The following PPM1K variants were observed in gnomAD, a reference collection of about 807,000 sequenced individuals.
PPM1K encodes protein phosphatase Mn(2+)-dependent 1K.
A neutral mutation model predicts 32.6 loss-of-function variants in PPM1K; 19 were observed. That is an observed-to-expected ratio of 0.58 (90% CI 0.41 to 0.86). PPM1K has a LOEUF of 0.86. PPM1K is among the 40% of genes least tolerant of loss of function. The pLI, the probability that PPM1K is intolerant of heterozygous loss-of-function variation, is 0.00. For missense variants in PPM1K, 362 were observed against 461.2 expected (o/e 0.78, Z 1.97); for synonymous variants, 159 against 165.3 (o/e 0.96, Z 0.29).
intron 5 of PPM1K, among the ~76,000 whole-genome samples, chr4:88,267,104 T>TGAC (rs1731355526): frequency 7.6e-6 from 1 of 131,580 alleles, no homozygotes. Context: ...GTGATGCTGA[T>TGAC]TGGGTGCAGG....
chr4:88,278,308 C>T lies in PPM1K; in HGVS notation c.276G>A (p.Leu92=), dbSNP rs547256308. 1.2e-6 allele frequency: 2 copies of T among 1,614,204 alleles called. No individual in the cohort carries two copies. The highest frequency in any genetic ancestry group is 4.5e-5 in the East Asian group (2 of 44,890). Residue 92 remains leucine (L), a synonymous_variant, in exon 2 of 7, where the codon TTG becomes TTA. Transcript: ENST00000608933. This position sits in a 1 kb window ranked among gnomAD's most constrained non-coding sequence, Gnocchi z 4.2. ...KYGKPIPKIS[L]ENVGCASQIG... ...TCTGTGAGGCGCACCCCACATTTTC[C>T]AAGCTGATTTTGGGAATTGGCTTGC...
intron 1 of PPM1K, among the ~76,000 whole-genome samples, chr4:88,282,922 C>T (rs1027639172): frequency 2.0e-5 from 3 of 152,168 alleles, no homozygotes; most frequent in Non-Finnish European, 4.4e-5. Context: ...CTTCTTTCCT[C>T]GTCTCTAAGG....
chr4:88,272,680 GCTA>G (rs1731612351), intron 3 of PPM1K, among the ~76,000 whole-genome samples: 1 of 152,126 alleles, frequency 6.6e-6, no homozygotes, highest in East Asian at 1.9e-4. Flanking sequence ...GATGAAATTT[GCTA>G]CTGATAACTA....
In PPM1K at chr4:88,284,317, C is replaced by A. The variant is rs193251900; in HGVS notation, c.-60+89G>T. The A allele has an allele frequency of 4.5e-3, 687 of 152,414 alleles. 12 individuals carry two copies. Among genetic ancestry groups the A allele is most frequent in the Non-Finnish European group, 3.3e-3 (227 of 68,076 alleles). The allele number at this position is 152,414 out of a possible 1,614,324, so 9.4% of individuals were successfully genotyped here. A position where few individuals can be genotyped will look rare whatever the true frequency, so the allele number is the denominator to read the frequency against. ...CCCTTCGACCTCCCGGGAAACCCTT[C>A]TCCGTTTACTCTCCATTCCGCGACC... On this transcript the variant is annotated intron_variant, in intron 1 of 6. Coordinates refer to ENST00000608933, the MANE Select transcript of PPM1K (RefSeq NM_152542.5).
chr4:88,277,121 G>C lies in PPM1K; in HGVS notation c.541+22C>G, dbSNP rs767560821. On this transcript the variant is annotated intron_variant, in intron 3 of 6. Transcript: ENST00000608933. ...ACCCCATGTACTCCCTAGGATCCAA[G>C]GAATGTGATAGTTTTACATACCATC... is the stretch of plus-strand genomic sequence containing the variant. The C allele has an allele frequency of 9.5e-6, 15 of 1,573,384 alleles. No individual in the cohort carries two copies. The Admixed American group carries it at 2.2e-4, about 23-fold the overall frequency.
In PPM1K at chr4:88,278,140, A is replaced by C; in HGVS notation, c.440+4T>G. On this transcript the variant is annotated splice_donor_region_variant and intron_variant, in intron 2 of 6. Transcript: ENST00000608933. The surrounding 1 kb of genome is among the most constrained non-coding windows in gnomAD (Gnocchi z 4.2). ...AAGTCAGGAGTGAAAGTCATTGTAC[A>C]TACATAATACATTTCTCCATGTGGG... is the stretch of plus-strand genomic sequence containing the variant. 2 of 1,609,492 alleles carry C rather than the reference A, an allele frequency of 1.2e-6. No individual in the cohort carries two copies. The highest frequency in any genetic ancestry group is 1.7e-6 in the Non-Finnish European group (2 of 1,176,400).
At chr4:88,276,824 T>C in intron 3 of PPM1K, 1 of 1,023,344 alleles carries the variant, frequency 9.8e-7, no homozygotes, top group African/African-American at 1.7e-5. Flanking sequence ...AGTATGGACA[T>C]TTTGTCCATA....
chr4:88,264,134 C>G (rs567939411), intron 6 of PPM1K, among the ~76,000 whole-genome samples: 7 of 152,066 alleles, frequency 4.6e-5, no homozygotes, highest in Non-Finnish European at 1.0e-4. Context: ...TCATGAATAC[C>G]CTGTTTAGCA....
Position 88,262,659 on chromosome 4 carries a change from T to G in PPM1K, c.1055A>C (p.Tyr352Ser), listed in dbSNP as rs149003637. Residue 352 changes from tyrosine to serine, a missense_variant, in exon 7 of 7, where the codon TAT becomes TCT. Coordinates refer to ENST00000608933, the MANE Select transcript of PPM1K (RefSeq NM_152542.5). ...VVVPFGAWGK[Y>S]KNSEINFSFS... ...TGAGAAGTTGATTTCAGAGTTCTTA[T>G]ATTTTCCCCAGGCACCAAAAGGCAC... 1 of 1,614,204 alleles carries G rather than the reference T, an allele frequency of 6.2e-7. No homozygotes were observed. The highest frequency in any genetic ancestry group is 1.7e-5 in the Admixed American group (1 of 60,028).
Position 88,260,679 on chromosome 4 carries a change from T to C in PPM1K, c.*1916A>G, listed in dbSNP as rs1351566353. On this transcript the variant is annotated 3_prime_UTR_variant, in exon 7 of 7. Transcript: ENST00000608933. ...CAGAAAAACTCAAGATTTATCTTCT[T>C]CCATTTCCAAAAAGGTAAGAAGATG... 1 of 152,140 alleles carries C rather than the reference T, an allele frequency of 6.6e-6. No individual in the cohort carries two copies. The highest frequency in any genetic ancestry group is 1.5e-5 in the Non-Finnish European group (1 of 68,032). 9.4% of individuals were successfully genotyped at this position (152,140 alleles called of 1,614,324 possible).
At chr4:88,272,723 A>G (rs1731613851) in intron 3 of PPM1K, among the ~76,000 whole-genome samples, 1 of 152,254 alleles carries the variant, frequency 6.6e-6, no homozygotes, top group African/African-American at 2.4e-5. Context: ...TTAACAAAAA[A>G]GCAATAAAAA....
chr4:88,265,184 G>C (rs757547854), intron 5 of PPM1K, 49 bp from the exon 6 acceptor site: 12 of 1,603,990 alleles, frequency 7.5e-6, no homozygotes, highest in Non-Finnish European at 1.0e-5. Context: ...CTCTGCCTTA[G>C]CACAATCTCG....
In PPM1K at chr4:88,268,194, A is replaced by G. The variant is rs1300548798; in HGVS notation, c.848T>C (p.Ile283Thr). The change falls in exon 5 of 7, where the codon ATT becomes ACT. Residue 283 changes from isoleucine (I) to threonine (T), a missense_variant. Coordinates refer to ENST00000608933, the MANE Select transcript of PPM1K (RefSeq NM_152542.5). Reference sequence around the variant, plus strand: ...TGTTTGCAGGTCCTTTCTTACCTTAATCCTCTTAGTTTCAGGTTCTGCTAT... The same window carrying G: ...TGTTTGCAGGTCCTTTCTTACCTTAGTCCTCTTAGTTTCAGGTTCTGCTAT... Reference protein sequence around the residue: ...GVIAEPETKRIKLHHADDSFL... With the variant: ...GVIAEPETKRTKLHHADDSFL... 6.2e-7 allele frequency: 1 copy of G among 1,614,064 alleles called. No individual in the cohort carries two copies. Among genetic ancestry groups the G allele is most frequent in the Non-Finnish European group, 8.5e-7 (1 of 1,179,982 alleles).
chr4:88,268,125 G>A (rs1472949431), intron 5 of PPM1K, 65 bp downstream of exon 5: 117 of 1,531,948 alleles, frequency 7.6e-5, no homozygotes, highest in Non-Finnish European at 1.0e-4. Context: ...CAAGAAAGGT[G>A]CAGCAGAGAC....
At chr4:88,282,705 G>A (rs557430369) in intron 1 of PPM1K, among the ~76,000 whole-genome samples, 1 of 152,324 alleles carries the variant, frequency 6.6e-6, no homozygotes, top group East Asian at 1.9e-4. Context: ...GGTTTAATGT[G>A]AATATGTCTA....
In PPM1K at chr4:88,262,650, G is replaced by A. The variant is rs200856810; in HGVS notation, c.1064C>T (p.Ser355Phe). 76 of 1,614,078 alleles carry A rather than the reference G, an allele frequency of 4.7e-5. No individual in the cohort carries two copies. The highest frequency in any genetic ancestry group is 6.2e-5 in the Non-Finnish European group (73 of 1,179,998). The change falls in exon 7 of 7, where the codon TCT becomes TTT. Residue 355 changes from serine (S) to phenylalanine (F), a missense_variant. Ser to Phe is a radical substitution (Grantham distance 155). Transcript: ENST00000608933. ...TCTGCTGAATGAGAAGTTGATTTCAGAGTTCTTATATTTTCCCCAGGCACC... is the reference window on the plus strand; with the variant it reads ...TCTGCTGAATGAGAAGTTGATTTCAAAGTTCTTATATTTTCCCCAGGCACC... ...PFGAWGKYKNSEINFSFSRSF... is the reference protein window; with the variant it reads ...PFGAWGKYKNFEINFSFSRSF...
At chr4:88,268,117 A>C (rs1731406464) in intron 5 of PPM1K, 73 bp downstream of exon 5, 29 of 1,501,516 alleles carry the variant, frequency 1.9e-5, no homozygotes, top group Non-Finnish European at 2.6e-5. Context: ...AAGGCTTCCA[A>C]GAAAGGTGCA....
Position 88,278,065 on chromosome 4 carries a change from G to T in PPM1K, c.440+79C>A. 1 of 1,217,196 alleles carries T rather than the reference G, an allele frequency of 8.2e-7. No individual in the cohort carries two copies. The allele number at this position is 1,217,196 out of a possible 1,614,324, so 75.4% of individuals were successfully genotyped here. On this transcript the variant is annotated intron_variant, in intron 2 of 6. Transcript: ENST00000608933. This position sits in a 1 kb window ranked among gnomAD's most constrained non-coding sequence, Gnocchi z 4.2. The stretch of plus-strand genomic sequence containing the variant: ...CACTCAAGTAACTATGTTTACGCTG[G>T]AAGCCTCAGCCAAAGGGTGAAAGTT...
intron 5 of PPM1K, among the ~76,000 whole-genome samples, chr4:88,266,590 G>T (rs1382135698): frequency 6.6e-6 from 1 of 150,534 alleles, no homozygotes; most frequent in East Asian, 2.0e-4. Context: ...GGTGATGCTG[G>T]CTGACTGGGT....
Sources: gnomAD v4.1 joint callset for allele counts (sites outside exome capture counted in the v4.1 genomes callset) on GRCh38, gnomAD v4.1.1 for gene constraint, Gnocchi (gnomAD v3.1) non-coding constraint, MANE v1.5 for transcripts, NCBI Gene and HGNC (gene_info 2026-07-23, HGNC 2026-07-21) for gene names.